LEKR1: variants seen among roughly 807,000 people sequenced by gnomAD.
LEKR1 encodes protein LEKR1.
In LEKR1, 59 loss-of-function variants were observed where a neutral mutation model predicts 72.4. That is an observed-to-expected ratio of 0.82 (90% CI 0.66 to 1.01). LEKR1 has a LOEUF of 1.01. Among genes scored for constraint, LEKR1 ranks in the 50% least tolerant of loss-of-function variants. The pLI, the probability that LEKR1 is intolerant of heterozygous loss-of-function variation, is 0.00. For synonymous variants in LEKR1, 257 were observed against 263.2 expected (o/e 0.98, Z 0.23); for missense variants, 728 against 759.2 (o/e 0.96, Z 0.48).
chr3:156,949,954 T>A (rs1342870394), intron 6 of LEKR1, among the ~76,000 whole-genome samples: 1 of 151,314 alleles, frequency 6.6e-6, no homozygotes. Context: ...TGTATAAAAT[T>A]AAGATTCTCT....
chr3:156,895,245 A>G (rs915208571), intron 3 of LEKR1, among the ~76,000 whole-genome samples: 1 of 152,256 alleles, frequency 6.6e-6, no homozygotes, highest in African/African-American at 2.4e-5. Context: ...ACGTTTCTCA[A>G]AGGAAGACAT....
At chr3:156,883,953 A>G (rs1329609963) in intron 3 of LEKR1, among the ~76,000 whole-genome samples, 1 of 152,154 alleles carries the variant, frequency 6.6e-6, no homozygotes, top group African/African-American at 2.4e-5. Flanking sequence ...TAAATTTGGG[A>G]GTTCCAGTGT....
At chr3:156,840,617 A>G (rs1713784006) in intron 2 of LEKR1, among the ~76,000 whole-genome samples, 1 of 152,214 alleles carries the variant, frequency 6.6e-6, no homozygotes, top group Non-Finnish European at 1.5e-5. Flanking sequence ...TCCATTGTGC[A>G]TGTACCTTTG....
At chr3:156,980,999 A>G (rs1560124409) in intron 7 of LEKR1, among the ~76,000 whole-genome samples, 1 of 152,218 alleles carries the variant, frequency 6.6e-6, no homozygotes. Context: ...CCGTATATTT[A>G]CTGTACCTTT....
chr3:157,043,910 G>C (rs1735557189), intron 12 of LEKR1, among the ~76,000 whole-genome samples: 1 of 152,162 alleles, frequency 6.6e-6, no homozygotes, highest in South Asian at 2.1e-4. Context: ...GTATTTGTTT[G>C]ACCCAGGAAT....
intron 4 of LEKR1, among the ~76,000 whole-genome samples, chr3:156,926,067 A>C (rs1227155200): frequency 4.6e-5 from 7 of 152,062 alleles, no homozygotes; most frequent in African/African-American, 1.4e-4. Context: ...TAGAAAGATA[A>C]ATTTTTTAAA....
intron 9 of LEKR1, among the ~76,000 whole-genome samples, chr3:156,995,559 C>T (rs1033009334): frequency 4.6e-5 from 7 of 152,114 alleles, no homozygotes; most frequent in African/African-American, 1.4e-4. Context: ...ATGACAGACA[C>T]GGTGGCTCAC....
Position 156,984,943 on chromosome 3 carries a change from A to G in LEKR1, c.827+5668A>G, listed in dbSNP as rs568276615. Among the ~76,000 whole-genome samples the G allele has an allele frequency of 2.0e-5, 3 of 152,068 alleles. No individual in the cohort carries two copies. The East Asian group carries it at 5.9e-4, about 30-fold the overall frequency. On this transcript the variant is annotated intron_variant, in intron 7 of 12. Coordinates refer to ENST00000356539, the MANE Select transcript of LEKR1 (RefSeq NM_001004316.3). ...TTGGGACAGTCTCTATTATTGAGATATAAATATCAGCGTTCTCCTGATTTT... is the reference window on the plus strand; with the variant it reads ...TTGGGACAGTCTCTATTATTGAGATGTAAATATCAGCGTTCTCCTGATTTT...
At chr3:156,994,224 C>A (rs1731365051) in intron 9 of LEKR1, among the ~76,000 whole-genome samples, 1 of 151,816 alleles carries the variant, frequency 6.6e-6, no homozygotes, top group South Asian at 2.1e-4. Context: ...CCTTTGCAAA[C>A]CTGTTTGCTG....
intron 9 of LEKR1, among the ~76,000 whole-genome samples, chr3:156,993,749 G>A (rs1400632613): frequency 1.3e-5 from 2 of 152,092 alleles, no homozygotes; most frequent in African/African-American, 4.8e-5. Context: ...ACCTCCTTAG[G>A]TGGTATCGAG....
intron 9 of LEKR1, among the ~76,000 whole-genome samples, chr3:157,002,891 G>A (rs984500112): frequency 2.6e-5 from 4 of 152,062 alleles, no homozygotes; most frequent in Non-Finnish European, 5.9e-5. Context: ...TCTTCCAAAA[G>A]GTTACATTTA....
intron 10 of LEKR1, among the ~76,000 whole-genome samples, chr3:157,024,554 T>C (rs1734059270): frequency 6.6e-6 from 1 of 152,216 alleles, no homozygotes; most frequent in African/African-American, 2.4e-5. Context: ...TTTCAGGTCT[T>C]AGAAGGTGGT....
At chr3:156,879,054 G>A (rs778913829) in intron 3 of LEKR1, among the ~76,000 whole-genome samples, 3 of 152,040 alleles carry the variant, frequency 2.0e-5, no homozygotes, top group Non-Finnish European at 4.4e-5. Flanking sequence ...AATTGGTACC[G>A]GTAGAGTGGG....
chr3:156,871,078 G>A (rs1431914621), intron 3 of LEKR1, among the ~76,000 whole-genome samples: 2 of 151,986 alleles, frequency 1.3e-5, no homozygotes, highest in Non-Finnish European at 2.9e-5. Context: ...CTGGCATTAG[G>A]TATATATCCC....
At chr3:156,905,427 G>A (rs1427676680) in intron 3 of LEKR1, among the ~76,000 whole-genome samples, 2 of 152,118 alleles carry the variant, frequency 1.3e-5, no homozygotes, top group African/African-American at 2.4e-5. Flanking sequence ...CTAAATAAAA[G>A]CAGTATAATA....
At chr3:156,851,714 C>T (rs1715387476) in intron 2 of LEKR1, among the ~76,000 whole-genome samples, 1 of 151,476 alleles carries the variant, frequency 6.6e-6, no homozygotes, top group Admixed American at 6.6e-5. Context: ...TGTGTAATGA[C>T]ATTGGTAGGC....
At chr3:156,970,278 C>G (rs1370461612) in intron 6 of LEKR1, among the ~76,000 whole-genome samples, 3 of 152,196 alleles carry the variant, frequency 2.0e-5, no homozygotes, top group Non-Finnish European at 4.4e-5. Context: ...CCAGGGCAAT[C>G]AGGCTGGAGA....
At chr3:156,880,734 T>C (rs1719206190) in intron 3 of LEKR1, among the ~76,000 whole-genome samples, 1 of 152,170 alleles carries the variant, frequency 6.6e-6, no homozygotes, top group South Asian at 2.1e-4. Flanking sequence ...TGATGAACAT[T>C]GATGCAAAAA....
intron 6 of LEKR1, among the ~76,000 whole-genome samples, chr3:156,950,596 G>T (rs1288428801): frequency 4.0e-5 from 6 of 150,436 alleles, no homozygotes; most frequent in Admixed American, 1.3e-4. Flanking sequence ...TAGGAATTTT[G>T]TGTGTGTGTG....
Sources: gnomAD v4.1 joint callset for allele counts (sites outside exome capture counted in the v4.1 genomes callset) on GRCh38, gnomAD v4.1.1 for gene constraint, MANE v1.5 for transcripts, NCBI Gene and HGNC (gene_info 2026-07-23, HGNC 2026-07-21) for gene names.